Variants in ATF7IP observed in about 807,000 individuals in gnomAD.
ATF7IP encodes activating transcription factor 7-interacting protein 1.
Under a neutral mutation model 106.4 loss-of-function variants are expected in ATF7IP, and 23 were observed. The observed-to-expected ratio is 0.22, with a 90% CI of 0.16 to 0.31. The LOEUF (loss-of-function observed/expected upper bound fraction) is 0.31. Ranked by LOEUF, ATF7IP falls within the 10% of genes least tolerant of loss-of-function variation. The pLI is 1.00. For missense variants in ATF7IP, 1,334 were observed against 1,524.3 expected (o/e 0.88, Z 2.08); for synonymous variants, 542 against 539.0 (o/e 1.01, Z -0.08).
chr12:14,397,711 C>G (rs1421166941), intron 1 of ATF7IP, among the ~76,000 whole-genome samples: 1 of 136,274 alleles, frequency 7.3e-6, no homozygotes, highest in Non-Finnish European at 1.7e-5. Context: ...CTTATGTTTT[C>G]TAGGCTAAAT....
intron 1 of ATF7IP, chr12:14,369,118 CT>C (rs145164472): frequency 0.53 from 73,958 of 139,684 alleles, 19,251 homozygotes; most frequent in African/African-American, 0.61. Flanking sequence ...CTAATTTTTT[CT>C]TTTTTTTTTT....
At chr12:14,384,840 T>C (rs1440675864) in intron 1 of ATF7IP, among the ~76,000 whole-genome samples, 1 of 148,550 alleles carries the variant, frequency 6.7e-6, no homozygotes, top group Non-Finnish European at 1.5e-5. Context: ...ATTATAAAAT[T>C]GAAATTCTTT....
rs559015526 is a variant in ATF7IP, at chr12:14,469,542, T to G, written c.2862+2952T>G. Among the ~76,000 whole-genome samples, 5 of 146,196 alleles carry G rather than the reference T, an allele frequency of 3.4e-5. No individual in the cohort carries two copies. In the South Asian group the frequency reaches 1.0e-3, roughly 30 times the overall value. Reference sequence around the variant, plus strand: ...GCATATAATTTATTATTGTATATTTTATTACTATATATCATTTTATATAAT... The same window carrying G: ...GCATATAATTTATTATTGTATATTTGATTACTATATATCATTTTATATAAT... On this transcript the variant is annotated intron_variant, in intron 10 of 14. Coordinates refer to ENST00000261168, the MANE Select transcript of ATF7IP (RefSeq NM_018179.5).
rs1161764798 is a variant in ATF7IP, at chr12:14,378,862, T to G, written c.-8+13035T>G. ...CGATTTGGTACAGTTACTAATAATC[T>G]TTGATATTTATTTAAAAGACTTAAT... On this transcript the variant is annotated intron_variant, in intron 1 of 14. Coordinates refer to ENST00000261168, the MANE Select transcript of ATF7IP (RefSeq NM_018179.5). 2.0e-5 allele frequency among the ~76,000 whole-genome samples: 3 copies of G among 152,212 alleles called. No individual in the cohort carries two copies. The East Asian group carries it at 5.8e-4, about 29-fold the overall frequency.
chr12:14,398,846 A>G (rs773735061), intron 1 of ATF7IP, among the ~76,000 whole-genome samples: 1 of 151,878 alleles, frequency 6.6e-6, no homozygotes, highest in South Asian at 2.1e-4. Flanking sequence ...CTATTTGCCT[A>G]GCGTATCATT....
intron 1 of ATF7IP, among the ~76,000 whole-genome samples, chr12:14,391,607 G>A (rs905226689): frequency 1.1e-4 from 17 of 152,194 alleles, no homozygotes; most frequent in African/African-American, 4.1e-4. Context: ...GAGTCAGGGT[G>A]AATCCATGTT....
intron 13 of ATF7IP, among the ~76,000 whole-genome samples, chr12:14,484,551 C>T (rs1944531359): frequency 6.6e-6 from 1 of 152,220 alleles, no homozygotes; most frequent in African/African-American, 2.4e-5. Context: ...CGATGTCCTT[C>T]AGGGATGTCC....
At chr12:14,374,596 G>GA (rs1043533095) in intron 1 of ATF7IP, among the ~76,000 whole-genome samples, 15 of 152,226 alleles carry the variant, frequency 9.9e-5, no homozygotes, top group African/African-American at 3.6e-4. Context: ...GAGAGTGTTG[G>GA]AAGGAGATCA....
Position 14,460,683 on chromosome 12 carries a change from G to A in ATF7IP, c.2347G>A (p.Val783Met). The A allele has an allele frequency of 6.2e-7, 1 of 1,614,198 alleles. No individual in the cohort carries two copies. The highest frequency in any genetic ancestry group is 8.5e-7 in the Non-Finnish European group (1 of 1,180,030). Residue 783 changes from valine (V) to methionine (M), a missense_variant, in exon 9 of 15, where the codon GTG (valine) becomes ATG (methionine). Coordinates refer to ENST00000261168, the MANE Select transcript of ATF7IP (RefSeq NM_018179.5). ...TACAATCTCTTTACAGCCTTTGCCA[G>A]TGATTTTGCATGTACCTGTTGCAGT... is the stretch of plus-strand genomic sequence containing the variant. ...QPTISLQPLP[V>M]ILHVPVAVSS... is the part of the protein sequence containing the mutation.
intron 12 of ATF7IP, among the ~76,000 whole-genome samples, chr12:14,480,707 C>CT (rs2136810468): frequency 6.6e-6 from 1 of 152,308 alleles, no homozygotes; most frequent in Admixed American, 6.5e-5. Flanking sequence ...GCATCATACT[C>CT]TTAATTCTGC....
intron 1 of ATF7IP, among the ~76,000 whole-genome samples, chr12:14,402,340 C>T (rs1006509645): frequency 3.3e-5 from 5 of 151,606 alleles, no homozygotes; most frequent in Admixed American, 6.6e-5. Context: ...GTTGCCCAGA[C>T]TGGTCTTGAA....
In ATF7IP at chr12:14,457,222, G is replaced by A. The variant is rs756891231; in HGVS notation, c.2085G>A (p.Val695=). The change falls in exon 8 of 15, where the codon GTG becomes GTA. Residue 695 remains valine (V), a synonymous_variant. Transcript: ENST00000261168. ...NNMSYRNAGT[V]RQMLESKRNV... Reference sequence around the variant, plus strand: ...TATTTCATAGAAATGCAGGCACAGTGAGACAGATGCTGGAGTCCAAAAGAA... The same window carrying A: ...TATTTCATAGAAATGCAGGCACAGTAAGACAGATGCTGGAGTCCAAAAGAA... 5 of 1,613,788 alleles carry A rather than the reference G, an allele frequency of 3.1e-6. No homozygotes were observed. Among genetic ancestry groups the A allele is most frequent in the Non-Finnish European group, 4.2e-6 (5 of 1,179,814 alleles).
chr12:14,457,156 T>A (rs549479606), intron 7 of ATF7IP, 51 bp from the exon 8 acceptor site: 1 of 1,451,522 alleles, frequency 6.9e-7, no homozygotes, highest in South Asian at 1.2e-5. Flanking sequence ...TCAGTTGGTA[T>A]TCCCTGAGTG....
chr12:14,476,020 CTT>C, intron 11 of ATF7IP, 52 bp downstream of exon 11: 2 of 1,299,300 alleles, frequency 1.5e-6, no homozygotes, highest in Non-Finnish European at 2.2e-6. Context: ...TTTTTTTTGT[CTT>C]AATACGGTAC....
At chr12:14,466,041 T>C (rs1005165071) in intron 9 of ATF7IP, 4 of 152,838 alleles carry the variant, frequency 2.6e-5, no homozygotes, top group African/African-American at 9.6e-5. Context: ...TCATTACAAG[T>C]TAGTTGAAAA....
chr12:14,464,221 A>G (rs1038561733), intron 9 of ATF7IP, among the ~76,000 whole-genome samples: 4 of 152,204 alleles, frequency 2.6e-5, no homozygotes, highest in African/African-American at 2.4e-5. Context: ...CCGAAGCAGG[A>G]GGCCGAAGCA....
chr12:14,402,449 C>G (rs552572513), intron 1 of ATF7IP, among the ~76,000 whole-genome samples: 34 of 151,964 alleles, frequency 2.2e-4, no homozygotes, highest in Non-Finnish European at 2.1e-4. Flanking sequence ...TAAAAATTCC[C>G]CTTTTTTTTC....
chr12:14,441,782 C>T lies in ATF7IP; in HGVS notation c.1929+3515C>T, dbSNP rs1011436378. Among the ~76,000 whole-genome samples, 58 of 152,270 alleles carry T rather than the reference C, an allele frequency of 3.8e-4. 2 individuals carry two copies. Among genetic ancestry groups the T allele is most frequent in the Admixed American group, 3.3e-3 (51 of 15,296 alleles). ...GGGATTACAGGCGTGAGCCACCGCG[C>T]CCTGCCCAGGATACCAAACTCACCG... On this transcript the variant is annotated intron_variant, in intron 5 of 14. Transcript: ENST00000261168.
At chr12:14,497,030 T>G (rs1945032402) in intron 14 of ATF7IP, among the ~76,000 whole-genome samples, 1 of 152,210 alleles carries the variant, frequency 6.6e-6, no homozygotes, top group Non-Finnish European at 1.5e-5. Context: ...TGTCCATACG[T>G]CCCCTCACTT....
Sources: gnomAD v4.1 joint callset for allele counts (sites outside exome capture counted in the v4.1 genomes callset) on GRCh38, gnomAD v4.1.1 for gene constraint, MANE v1.5 for transcripts, NCBI Gene and HGNC (gene_info 2026-07-23, HGNC 2026-07-21) for gene names.